Variants in PKHD1L1 observed in about 807,000 individuals in gnomAD.
PKHD1L1 encodes fibrocystin-L.
A neutral mutation model predicts 462.9 loss-of-function variants in PKHD1L1; 434 were observed. That is an observed-to-expected ratio of 0.94 (90% CI 0.87 to 1.02). The LOEUF is 1.02. Ranked by LOEUF, PKHD1L1 falls within the 50% of genes least tolerant of loss-of-function variation. The pLI is 0.00. For synonymous variants in PKHD1L1, 1,781 were observed against 1,750.0 expected (o/e 1.02, Z -0.44); for missense variants, 5,202 against 5,096.1 (o/e 1.02, Z -0.63).
chr8:109,448,604 C>T (rs1168276203), intron 39 of PKHD1L1, among the ~76,000 whole-genome samples: 1 of 151,552 alleles, frequency 6.6e-6, no homozygotes, highest in Non-Finnish European at 1.5e-5. Flanking sequence ...CTCTGCCTCC[C>T]AGGTTCACGC....
rs1170602443 is a variant in PKHD1L1, at chr8:109,533,327, C to T, written c.*3237C>T. On this transcript the variant is annotated 3_prime_UTR_variant, in exon 78 of 78. Coordinates refer to ENST00000378402, the MANE Select transcript of PKHD1L1 (RefSeq NM_177531.6). ...CATATATATGACATGTAACACAGTGCCTAACAGGCGGTAAAATGATAGCCA... is the reference window on the plus strand; with the variant it reads ...CATATATATGACATGTAACACAGTGTCTAACAGGCGGTAAAATGATAGCCA... Among the ~76,000 whole-genome samples, 1 of 152,216 alleles carries T rather than the reference C, an allele frequency of 6.6e-6. No individual in the cohort carries two copies. Among genetic ancestry groups the T allele is most frequent in the African/African-American group, 2.4e-5 (1 of 41,438 alleles).
At chr8:109,420,318 AG>A (rs528262026) in intron 22 of PKHD1L1, among the ~76,000 whole-genome samples, 199 bp from the exon 23 acceptor site, 34 of 152,346 alleles carry the variant, frequency 2.2e-4, no homozygotes, top group Admixed American at 1.4e-3. Flanking sequence ...AAGTTTAGCA[AG>A]CTTCATAAAC....
intron 26 of PKHD1L1, 133 bp from the exon 27 acceptor site, chr8:109,429,799 A>G (rs1814989192): frequency 2.9e-6 from 2 of 689,660 alleles, no homozygotes; most frequent in Middle Eastern, 2.5e-4. Context: ...GAAATATCAA[A>G]GTACAAAAAA....
chr8:109,441,408 A>G (rs1244489141), intron 34 of PKHD1L1, 29 bp downstream of exon 34: 3 of 1,256,034 alleles, frequency 2.4e-6, no homozygotes, highest in Non-Finnish European at 3.4e-6. Context: ...CTATGAAATA[A>G]TGGAAGCACT....
At chr8:109,394,110 G>A (rs1262686456) in intron 9 of PKHD1L1, among the ~76,000 whole-genome samples, 2 of 143,040 alleles carry the variant, frequency 1.4e-5, no homozygotes, top group South Asian at 2.2e-4. Flanking sequence ...GGAGGCAAAG[G>A]TTGCAGTGAG....
chr8:109,483,042 G>A lies in PKHD1L1; in HGVS notation c.9513G>A (p.Lys3171=). The part of the protein sequence containing the change: ...HGIPHSIYKT[K]LSETAFAGSK... ...TTCCACATTCAATATATAAAACTAA[G>A]CTCTCAGAAACTGCATTTGCAGGTT... Residue 3171 remains lysine, a synonymous_variant, in exon 57 of 78, where the codon AAG becomes AAA. Coordinates refer to ENST00000378402, the MANE Select transcript of PKHD1L1 (RefSeq NM_177531.6). 1 of 1,601,270 alleles carries A rather than the reference G, an allele frequency of 6.2e-7. No homozygotes were observed.
At position 109,445,180 on chromosome 8, in the gene PKHD1L1, G is replaced by A. The variant is rs867065179; in HGVS notation, c.5311G>A (p.Gly1771Ser). Residue 1771 changes from glycine to serine, a missense_variant, in exon 38 of 78, where the codon GGT (glycine) becomes AGT (serine). Transcript: ENST00000378402. Reference sequence around the variant, plus strand: ...TGTAAAAGTTCTTATTGAAGGAGAAGGTTTGGGGACTGTTTTGGAGGACAT... The same window carrying A: ...TGTAAAAGTTCTTATTGAAGGAGAAAGTTTGGGGACTGTTTTGGAGGACAT... ...GSVKVLIEGE[G>S]LGTVLEDIAV... The A allele has an allele frequency of 6.2e-7, 1 of 1,613,944 alleles. No individual in the cohort carries two copies. The highest frequency in any genetic ancestry group is 2.2e-5 in the East Asian group (1 of 44,884).
At chr8:109,448,469 T>C in intron 39 of PKHD1L1, 78 bp downstream of exon 39, 1 of 1,374,428 alleles carries the variant, frequency 7.3e-7, no homozygotes, top group Non-Finnish European at 9.6e-7. Context: ...TAGAAAATAA[T>C]ATGTTACTCA....
intron 40 of PKHD1L1, among the ~76,000 whole-genome samples, chr8:109,450,123 C>G (rs1432422879): frequency 1.3e-5 from 2 of 152,258 alleles, no homozygotes; most frequent in East Asian, 3.9e-4. Context: ...CTGTGTAACC[C>G]TAGCCGAGTA....
rs1382367945 is a variant in PKHD1L1 at position 109,444,732 on chromosome 8, T to C, written c.4863T>C (p.Pro1621=). Residue 1621 remains proline (P), a synonymous_variant, in exon 38 of 78, where the codon CCT becomes CCC. Transcript: ENST00000378402. The stretch of plus-strand genomic sequence containing the variant: ...ATTCAATTACATGTCATATTGACCC[T>C]CAAAACTCAATGGATGTTGGTATCA... ...SEDSITCHID[P]QNSMDVGIRE... is the part of the protein sequence containing the mutation. 1 of 1,613,886 alleles carries C rather than the reference T, an allele frequency of 6.2e-7. No homozygotes were observed. Among genetic ancestry groups the C allele is most frequent in the Non-Finnish European group, 8.5e-7 (1 of 1,179,874 alleles).
At chr8:109,368,844 T>A (rs1261881314) in intron 2 of PKHD1L1, among the ~76,000 whole-genome samples, 1 of 152,144 alleles carries the variant, frequency 6.6e-6, no homozygotes, top group Non-Finnish European at 1.5e-5. Flanking sequence ...AAAAAATACA[T>A]CAACATGTCA....
intron 65 of PKHD1L1, 27 bp from the exon 66 acceptor site, chr8:109,498,435 T>A: frequency 6.6e-7 from 1 of 1,504,884 alleles, no homozygotes. Flanking sequence ...TTATTAATGC[T>A]ATATTGTTTG....
chr8:109,476,282 GGA>G (rs141699544), intron 51 of PKHD1L1, among the ~76,000 whole-genome samples: 1 of 151,050 alleles, frequency 6.6e-6, no homozygotes, highest in African/African-American at 2.4e-5. Flanking sequence ...CACACACACA[GGA>G]GAGAGAGAGA....
intron 19 of PKHD1L1, among the ~76,000 whole-genome samples, chr8:109,411,751 G>A (rs1218380795): frequency 1.3e-5 from 2 of 152,040 alleles, no homozygotes; most frequent in Admixed American, 6.6e-5. Flanking sequence ...TCCAACAGCT[G>A]CTATTTATCT....
At chr8:109,517,794 A>G (rs1820350088) in intron 72 of PKHD1L1, among the ~76,000 whole-genome samples, 1 of 152,166 alleles carries the variant, frequency 6.6e-6, no homozygotes, top group Non-Finnish European at 1.5e-5. Context: ...AGTTAAATTT[A>G]TATTTTTAAA....
Position 109,464,763 on chromosome 8 carries a change from C to A in PKHD1L1, c.7931C>A (p.Ala2644Glu), listed in dbSNP as rs750702344. 1 of 1,613,782 alleles carries A rather than the reference C, an allele frequency of 6.2e-7. No individual in the cohort carries two copies. Among genetic ancestry groups the A allele is most frequent in the Non-Finnish European group, 8.5e-7 (1 of 1,179,804 alleles). The change falls in exon 49 of 78, where the codon GCA becomes GAA. Residue 2644 changes from alanine to glutamate, a missense_variant. Transcript: ENST00000378402. ...GGATCTTGTACATCTACAGTGCCTG[C>A]ACCTGCAATATTTAACTCACTTACT... ...QTGSCTSTVPAPAIFNSLTTW... is the reference protein window; with the variant it reads ...QTGSCTSTVPEPAIFNSLTTW...
At chr8:109,456,524 C>T (rs1331245942) in intron 46 of PKHD1L1, 133 bp downstream of exon 46, 3 of 843,616 alleles carry the variant, frequency 3.6e-6, no homozygotes, top group African/African-American at 3.5e-5. Flanking sequence ...TATGAACAGC[C>T]AAATACAGAT....
chr8:109,432,134 T>A (rs995246447), intron 27 of PKHD1L1, among the ~76,000 whole-genome samples: 2 of 152,204 alleles, frequency 1.3e-5, no homozygotes, highest in African/African-American at 4.8e-5. Flanking sequence ...TTTCCCTTTT[T>A]TATTGAATTG....
intron 50 of PKHD1L1, among the ~76,000 whole-genome samples, chr8:109,474,159 G>C (rs1168806975): frequency 6.6e-6 from 1 of 152,070 alleles, no homozygotes; most frequent in Non-Finnish European, 1.5e-5. Flanking sequence ...AGAAAATCAT[G>C]AATTTTTTCT....
Sources: allele counts gnomAD v4.1 joint callset (sites outside exome capture counted in the v4.1 genomes callset), GRCh38; gene constraint gnomAD v4.1.1; transcripts MANE v1.5; gene names NCBI Gene and HGNC (gene_info 2026-07-23, HGNC 2026-07-21).